Variants in FBXO38 observed in about 807,000 individuals in gnomAD.
FBXO38 encodes the protein F-box only protein 38.
In FBXO38, 53 loss-of-function variants were observed where a neutral mutation model predicts 131.9. The ratio of observed to expected loss-of-function variants is 0.40; its 90% CI spans 0.32 to 0.51. The LOEUF is 0.51. FBXO38 is among the 20% of genes least tolerant of loss of function. FBXO38 has a pLI of 0.53. For synonymous variants in FBXO38, 452 were observed against 505.6 expected, an observed-to-expected ratio of 0.89 and a Z score of 1.42; for missense variants, 1,076 against 1,475.6, an observed-to-expected ratio of 0.73 and a Z score of 4.44.
chr5:148,392,714 T>C (rs915238792), intron 1 of FBXO38, among the ~76,000 whole-genome samples: 2 of 151,496 alleles, frequency 1.3e-5, no homozygotes, highest in Non-Finnish European at 2.9e-5. Context: ...GCAGTGGTCA[T>C]AGAGGAACGA....
chr5:148,398,817 TTTGCTGACTTACCTTTG>T, intron 2 of FBXO38, among the ~76,000 whole-genome samples, 165 bp from the exon 3 acceptor site: 1 of 152,222 alleles, frequency 6.6e-6, no homozygotes, highest in African/African-American at 2.4e-5. Flanking sequence ...TACTCAACTA[TTTGCTGACTTACCTTTG>T]TAGTAAAAAG....
In FBXO38 at chr5:148,413,524, T is replaced by C. The variant is rs1166315557; in HGVS notation, c.1094-612T>C. The C allele has an allele frequency of 1.3e-5, 2 of 152,222 alleles. 1 individual carries two copies. The highest frequency in any genetic ancestry group is 2.9e-5 in the Non-Finnish European group (2 of 68,060). The allele number at this position is 152,222 out of a possible 1,614,324, so 9.4% of individuals were successfully genotyped here. ...AGAGGCAAGGGATGAGGTGTGATTCTTAGTGACATGATCTAGAATAAAGGA... is the reference window on the plus strand; with the variant it reads ...AGAGGCAAGGGATGAGGTGTGATTCCTAGTGACATGATCTAGAATAAAGGA... On this transcript the variant is annotated intron_variant, in intron 9 of 21. Transcript: ENST00000340253.
At chr5:148,396,495 CTCA>C (rs1758487476) in intron 2 of FBXO38, among the ~76,000 whole-genome samples, 3 of 152,134 alleles carry the variant, frequency 2.0e-5, no homozygotes, top group African/African-American at 7.2e-5. Flanking sequence ...ACATTTTTAT[CTCA>C]TGTCTTACAG....
At chr5:148,410,516 A>G (rs991284991) in intron 8 of FBXO38, 119 bp from the exon 9 acceptor site, 19 of 1,213,242 alleles carry the variant, frequency 1.6e-5, no homozygotes, top group East Asian at 2.5e-5. Flanking sequence ...TTTTCTTCCC[A>G]GTCTCAGGTA....
chr5:148,401,372 T>C (rs1041969551), intron 3 of FBXO38, among the ~76,000 whole-genome samples: 1 of 152,198 alleles, frequency 6.6e-6, no homozygotes, highest in African/African-American at 2.4e-5. Flanking sequence ...TGGATCACTC[T>C]GGTTCTCTTA....
chr5:148,395,950 A>C (rs1014687590), intron 2 of FBXO38, among the ~76,000 whole-genome samples: 1 of 152,152 alleles, frequency 6.6e-6, no homozygotes, highest in Non-Finnish European at 1.5e-5. Flanking sequence ...CCTATGAAAA[A>C]TTTCCATATA....
At chr5:148,439,187 G>T (rs1445054675) in intron 18 of FBXO38, among the ~76,000 whole-genome samples, 1 of 152,164 alleles carries the variant, frequency 6.6e-6, no homozygotes. Context: ...AACTAGAGAT[G>T]GGGGAGGGTA....
At position 148,424,093 on chromosome 5, in the gene FBXO38, G is replaced by A; in HGVS notation, c.1714G>A (p.Val572Met). 6.2e-7 allele frequency: 1 copy of A among 1,613,574 alleles called. No homozygotes were observed. Among genetic ancestry groups the A allele is most frequent in the Non-Finnish European group, 8.5e-7 (1 of 1,179,670 alleles). ...TPAHSQAIIPVDVDEEQAGPS... is the reference protein window; with the variant it reads ...TPAHSQAIIPMDVDEEQAGPS... ...AGCTCACAGCCAGGCAATTATTCCTGTGGATGTTGATGAGGAACAAGCAGG... is the reference window on the plus strand; with the variant it reads ...AGCTCACAGCCAGGCAATTATTCCTATGGATGTTGATGAGGAACAAGCAGG... Residue 572 changes from valine to methionine, a missense_variant, in exon 13 of 22, where the codon GTG becomes ATG. This residue lies in a region of FBXO38 where 212 missense variants were observed against 221.2 expected (regional missense o/e 0.96). Coordinates refer to ENST00000340253, the MANE Select transcript of FBXO38 (RefSeq NM_205836.3).
chr5:148,384,678 A>G (rs990615111), intron 1 of FBXO38: 2 of 152,210 alleles, frequency 1.3e-5, no homozygotes, highest in African/African-American at 4.8e-5. Context: ...GAGTCTTTAC[A>G]GACCTGAAAA....
chr5:148,401,886 A>G, intron 3 of FBXO38, 96 bp from the exon 4 acceptor site: 3 of 1,165,460 alleles, frequency 2.6e-6, no homozygotes, highest in Non-Finnish European at 3.6e-6. Flanking sequence ...TTTGAAGAGG[A>G]AGTCTTTTTT....
At chr5:148,386,877 A>G (rs938618643) in intron 1 of FBXO38, among the ~76,000 whole-genome samples, 2 of 152,160 alleles carry the variant, frequency 1.3e-5, no homozygotes, top group African/African-American at 2.4e-5. Flanking sequence ...ATCTAAAGTA[A>G]TGTATACGCC....
rs766059420 is a variant in FBXO38 at position 148,424,090 on chromosome 5, C to T, written c.1711C>T (p.Pro571Ser). 6.8e-6 allele frequency: 11 copies of T among 1,613,496 alleles called. No individual in the cohort carries two copies. The highest frequency in any genetic ancestry group is 1.6e-4 in the Middle Eastern group (1 of 6,062). Residue 571 changes from proline (P) to serine (S), a missense_variant, in exon 13 of 22, where the codon CCT (proline) becomes TCT (serine). Pro to Ser is a moderately conservative substitution (Grantham distance 74). Around this residue, in one of 8 missense-constraint regions of FBXO38, gnomAD observed 212 missense variants for 221.2 expected, o/e 0.96. Transcript: ENST00000340253. ...TCCAGCTCACAGCCAGGCAATTATT[C>T]CTGTGGATGTTGATGAGGAACAAGC... is the stretch of plus-strand genomic sequence containing the variant. ...NTPAHSQAIIPVDVDEEQAGP... is the reference protein window; with the variant it reads ...NTPAHSQAIISVDVDEEQAGP...
In FBXO38 at chr5:148,442,333, T is replaced by A. The variant is rs1179112968; in HGVS notation, c.*186T>A. ...GTACATAAAAAATATACAAAGACGC[T>A]TCCTAAAGTACCAACTTTATATCAT... On this transcript the variant is annotated 3_prime_UTR_variant, in exon 22 of 22. Coordinates refer to ENST00000340253, the MANE Select transcript of FBXO38 (RefSeq NM_205836.3). The A allele has an allele frequency of 2.4e-6, 1 of 419,234 alleles. No homozygotes were observed. Among genetic ancestry groups the A allele is most frequent in the African/African-American group, 2.0e-5 (1 of 49,458 alleles). 26.0% of individuals were successfully genotyped at this position (419,234 alleles called of 1,614,324 possible).
At chr5:148,406,948 A>C (rs1210256657) in intron 7 of FBXO38, among the ~76,000 whole-genome samples, 1 of 152,214 alleles carries the variant, frequency 6.6e-6, no homozygotes, top group Admixed American at 6.5e-5. Flanking sequence ...TAAACATCTC[A>C]TTGCAGAAAA....
chr5:148,386,774 A>G (rs963706477), intron 1 of FBXO38, among the ~76,000 whole-genome samples: 3 of 152,200 alleles, frequency 2.0e-5, no homozygotes, highest in South Asian at 2.1e-4. Flanking sequence ...GACTACTGCA[A>G]TAAAGCAAGT....
intron 12 of FBXO38, 138 bp from the exon 13 acceptor site, chr5:148,423,860 T>C (rs1452494498): frequency 1.6e-6 from 1 of 638,500 alleles, no homozygotes; most frequent in East Asian, 2.8e-5. Context: ...GCACAGTGTA[T>C]GCAGTATATG....
intron 3 of FBXO38, among the ~76,000 whole-genome samples, chr5:148,401,256 A>G (rs1752135896): frequency 1.3e-5 from 2 of 152,090 alleles, no homozygotes; most frequent in Admixed American, 1.3e-4. Flanking sequence ...TACTTAACCA[A>G]CAGCTCCTGC....
rs1433144114 is a variant in FBXO38 at position 148,402,060 on chromosome 5, A to G, written c.341A>G (p.Tyr114Cys). 2.5e-6 allele frequency: 4 copies of G among 1,613,656 alleles called. No individual in the cohort carries two copies. Among genetic ancestry groups the G allele is most frequent in the Non-Finnish European group, 3.4e-6 (4 of 1,179,656 alleles). Reference sequence around the variant, plus strand: ...CAGCTATATGGCCTTCACCCTCGATACCTTGAGAGGCGAAGAGTAAGGGGC... The same window carrying G: ...CAGCTATATGGCCTTCACCCTCGATGCCTTGAGAGGCGAAGAGTAAGGGGC... ...VEQLYGLHPRYLERRRVRGHE... is the reference protein window; with the variant it reads ...VEQLYGLHPRCLERRRVRGHE... The change falls in exon 4 of 22, where the codon TAC (tyrosine) becomes TGC (cysteine). Residue 114 changes from tyrosine to cysteine, a missense_variant. Around this residue, in one of 8 missense-constraint regions of FBXO38, gnomAD observed 96 missense variants for 193.9 expected, o/e 0.50. Coordinates refer to ENST00000340253, the MANE Select transcript of FBXO38 (RefSeq NM_205836.3).
At chr5:148,415,896 G>A (rs764447375) in intron 10 of FBXO38, 32 bp from the exon 11 acceptor site, 1 of 1,611,908 alleles carries the variant, frequency 6.2e-7, no homozygotes, top group East Asian at 2.2e-5. Context: ...ATGTTACTTA[G>A]ATTTTCTCTG....
Sources: allele counts gnomAD v4.1 joint callset (sites outside exome capture counted in the v4.1 genomes callset), GRCh38; gene constraint gnomAD v4.1.1; regional missense constraint gnomAD v4.1.1; transcripts MANE v1.5; gene names NCBI Gene and HGNC (gene_info 2026-07-23, HGNC 2026-07-21).